SPMAP2L: variants seen among roughly 807,000 people sequenced by gnomAD.
The protein encoded by SPMAP2L is sperm microtubule associated protein 2 like.
At chr4:56,531,931 T>C in the SPMAP2L span, among the ~76,000 whole-genome samples, 1 of 152,202 alleles carries the variant, frequency 6.6e-6, no homozygotes, top group African/African-American at 2.4e-5. Flanking sequence ...TGCTCCCTTA[T>C]GTCTTCCACC....
At chr4:56,620,137 C>CCACA in the SPMAP2L span, among the ~76,000 whole-genome samples, 8 of 152,226 alleles carry the variant, frequency 5.3e-5, no homozygotes, top group African/African-American at 1.7e-4. Context: ...TAGACCAGGG[C>CCACA]CACAGCCTTG....
the SPMAP2L span, among the ~76,000 whole-genome samples, chr4:56,561,475 C>T: frequency 6.6e-6 from 1 of 152,056 alleles, no homozygotes; most frequent in Non-Finnish European, 1.5e-5. Context: ...TTCATGCTAC[C>T]TCATAACATG....
At chr4:56,606,006 TC>T in the SPMAP2L span, among the ~76,000 whole-genome samples, 1 of 152,040 alleles carries the variant, frequency 6.6e-6, no homozygotes, top group African/African-American at 2.4e-5. Flanking sequence ...TACATTTGAG[TC>T]CCCCTCCCCT....
chr4:56,601,013 A>T, the SPMAP2L span: 1 of 1,535,344 alleles, frequency 6.5e-7, no homozygotes, highest in African/African-American at 1.4e-5. Flanking sequence ...CATCAAGATT[A>T]TCTACCTGAC....
chr4:56,587,616 A>G, the SPMAP2L span, among the ~76,000 whole-genome samples: 4 of 152,098 alleles, frequency 2.6e-5, no homozygotes, highest in African/African-American at 9.7e-5. Context: ...ATTGTCTCCA[A>G]TTTCATCCAG....
the SPMAP2L span, among the ~76,000 whole-genome samples, chr4:56,562,778 T>G: frequency 1.4e-5 from 1 of 71,140 alleles, no homozygotes; most frequent in Non-Finnish European, 2.8e-5. Context: ...TTGTCATATT[T>G]TCTTCGTCTT....
At chr4:56,584,604 C>T in the SPMAP2L span, 10 of 1,533,150 alleles carry the variant, frequency 6.5e-6, no homozygotes, top group Non-Finnish European at 8.7e-6. Context: ...TATCATCCTT[C>T]AAAAAAAGTA....
chr4:56,572,882 G>T, the SPMAP2L span, among the ~76,000 whole-genome samples: 1 of 152,062 alleles, frequency 6.6e-6, no homozygotes, highest in East Asian at 1.9e-4. Context: ...TGGGGGTGGT[G>T]GTGCACACCT....
the SPMAP2L span, among the ~76,000 whole-genome samples, chr4:56,608,102 G>A: frequency 1.3e-5 from 2 of 151,776 alleles, no homozygotes; most frequent in Non-Finnish European, 2.9e-5. Context: ...AACTACAGAA[G>A]TAAGTTAATA....
the SPMAP2L span, among the ~76,000 whole-genome samples, chr4:56,621,499 C>A: frequency 3.3e-5 from 5 of 152,198 alleles, no homozygotes; most frequent in African/African-American, 9.6e-5. Flanking sequence ...GGTAGTTTAT[C>A]CTGAAAAATC....
chr4:56,565,508 C>T, the SPMAP2L span, among the ~76,000 whole-genome samples: 2 of 152,190 alleles, frequency 1.3e-5, no homozygotes, highest in Non-Finnish European at 2.9e-5. Context: ...CACAAGCACA[C>T]AACACATAGT....
At chr4:56,562,568 T>G in the SPMAP2L span, among the ~76,000 whole-genome samples, 3,216 of 152,296 alleles carry the variant, frequency 0.021, 104 homozygotes, top group African/African-American at 0.073. Flanking sequence ...TCAATACCAC[T>G]CATTCCCTCT....
the SPMAP2L span, among the ~76,000 whole-genome samples, chr4:56,568,128 T>C: frequency 2.2e-3 from 335 of 152,314 alleles, 2 homozygotes; most frequent in African/African-American, 7.7e-3. Context: ...TTTTAATCTC[T>C]AGAGGTTCAT....
chr4:56,566,853 C>T, the SPMAP2L span, among the ~76,000 whole-genome samples: 39 of 151,918 alleles, frequency 2.6e-4, no homozygotes, highest in Admixed American at 1.2e-3. Context: ...TGCGCAACCA[C>T]GTCCAGCTAA....
At chr4:56,538,268 A>C in the SPMAP2L span, among the ~76,000 whole-genome samples, 1 of 148,374 alleles carries the variant, frequency 6.7e-6, no homozygotes, top group East Asian at 2.2e-4. Flanking sequence ...CTGTTCCTCC[A>C]AAAGGTGAAC....
chr4:56,605,825 C>T, the SPMAP2L span, among the ~76,000 whole-genome samples: 1 of 152,146 alleles, frequency 6.6e-6, no homozygotes, highest in Non-Finnish European at 1.5e-5. Flanking sequence ...CAACATAAAA[C>T]CTTGAGTTCG....
At chr4:56,599,054 A>G in the SPMAP2L span, among the ~76,000 whole-genome samples, 1 of 152,022 alleles carries the variant, frequency 6.6e-6, no homozygotes, top group Admixed American at 6.6e-5. Flanking sequence ...GCCACTCCCC[A>G]ATGGAACTGT....
the SPMAP2L span, chr4:56,594,050 G>T: frequency 6.2e-7 from 1 of 1,611,304 alleles, no homozygotes; most frequent in Non-Finnish European, 8.5e-7. Context: ...GCTTTTTGAG[G>T]ATGGCACACT....
chr4:56,592,931 G>A, the SPMAP2L span: 2 of 1,605,594 alleles, frequency 1.2e-6, no homozygotes, highest in Non-Finnish European at 1.7e-6. Flanking sequence ...TGAATTGATC[G>A]AGAAGACGGT....
Sources: allele counts gnomAD v4.1 joint callset (sites outside exome capture counted in the v4.1 genomes callset), GRCh38; gene constraint gnomAD v4.1.1; transcripts MANE v1.5; gene names NCBI Gene and HGNC (gene_info 2026-07-23, HGNC 2026-07-21).